The following CPNE4 variants were observed in gnomAD, a reference collection of about 807,000 sequenced individuals.
The protein encoded by CPNE4 is copine-4.
CPNE4 carries 25 observed loss-of-function variants against 67.9 expected under a neutral mutation model. The observed-to-expected ratio is 0.37, with a 90% CI of 0.27 to 0.51. The LOEUF is 0.51. Among genes scored for constraint, CPNE4 ranks in the 20% least tolerant of loss-of-function variants. The pLI is 0.93. For synonymous variants in CPNE4, 242 were observed against 244.9 expected (o/e 0.99, Z 0.11); for missense variants, 464 against 690.8 (o/e 0.67, Z 3.68).
intron 2 of CPNE4, among the ~76,000 whole-genome samples, chr3:131,792,363 AC>A (rs1381007812): frequency 6.6e-6 from 1 of 151,760 alleles, no homozygotes; most frequent in Non-Finnish European, 1.5e-5. Flanking sequence ...ATTTTAATTC[AC>A]CCAAAAAGTG....
At chr3:131,652,476 T>C (rs1175728267) in intron 7 of CPNE4, among the ~76,000 whole-genome samples, 1 of 152,210 alleles carries the variant, frequency 6.6e-6, no homozygotes. Context: ...TATTTCCATT[T>C]TGAATTTTTA....
chr3:131,849,466 T>C (rs1395679574), intron 2 of CPNE4, among the ~76,000 whole-genome samples: 1 of 151,978 alleles, frequency 6.6e-6, no homozygotes, highest in Non-Finnish European at 1.5e-5. Flanking sequence ...TGATGCTACA[T>C]ACTTTCGAAC....
intron 2 of CPNE4, among the ~76,000 whole-genome samples, chr3:131,757,582 A>G (rs1211925144): frequency 6.6e-6 from 1 of 152,226 alleles, no homozygotes; most frequent in Non-Finnish European, 1.5e-5. Context: ...AGTGCAATAG[A>G]AAAGAAAATC....
chr3:131,587,770 A>C (rs1020315589), intron 7 of CPNE4, among the ~76,000 whole-genome samples, 188 bp from the exon 8 acceptor site: 3 of 152,214 alleles, frequency 2.0e-5, no homozygotes, highest in Middle Eastern at 3.2e-3. Flanking sequence ...GACTTTTTGT[A>C]ATCTGCAAAT....
Position 132,017,990 on chromosome 3 carries a change from TG to T in CPNE4, c.-2+16576del, listed in dbSNP as rs57598361. ...CTCCACCCACCCCTAAAGACCCAGATGCTCAACTCAGAGTGTGCCCCCAGAC... is the reference window on the plus strand; with the variant it reads ...CTCCACCCACCCCTAAAGACCCAGATCTCAACTCAGAGTGTGCCCCCAGAC... On this transcript the variant is annotated intron_variant, in intron 1 of 15. Coordinates refer to ENST00000429747, the MANE Select transcript of CPNE4 (RefSeq NM_130808.3). 9.7e-3 allele frequency among the ~76,000 whole-genome samples: 1,483 copies of T among 152,230 alleles called. 22 individuals are homozygous for T. Among genetic ancestry groups the T allele is most frequent in the African/African-American group, 0.034 (1,417 of 41,532 alleles).
chr3:131,732,897 A>C lies in CPNE4; in HGVS notation c.181-9272T>G, dbSNP rs79139737. Among the ~76,000 whole-genome samples, 676 of 152,308 alleles carry C rather than the reference A, an allele frequency of 4.4e-3. 6 individuals are homozygous for C. The highest frequency in any genetic ancestry group is 0.015 in the African/African-American group (644 of 41,574). On this transcript the variant is annotated intron_variant, in intron 2 of 15. Coordinates refer to ENST00000429747, the MANE Select transcript of CPNE4 (RefSeq NM_130808.3). ...TTAAAACTTTGAAAACTTGTAATCC[A>C]TATGTGATTTTTGTGGTAACTTCCT...
intron 2 of CPNE4, among the ~76,000 whole-genome samples, chr3:131,840,544 G>A (rs1426469771): frequency 6.6e-6 from 1 of 152,156 alleles, no homozygotes; most frequent in African/African-American, 2.4e-5. Flanking sequence ...TTGTGTTAGT[G>A]CTGCAGTTGC....
At chr3:131,668,845 C>G (rs2080325712) in intron 7 of CPNE4, among the ~76,000 whole-genome samples, 1 of 152,190 alleles carries the variant, frequency 6.6e-6, no homozygotes, top group African/African-American at 2.4e-5. Flanking sequence ...TTTCTTCCAA[C>G]TTTTACATTC....
intron 7 of CPNE4, among the ~76,000 whole-genome samples, chr3:131,645,495 T>C (rs1375865589): frequency 2.6e-5 from 4 of 152,222 alleles, no homozygotes; most frequent in African/African-American, 4.8e-5. Context: ...CTTTAATTCT[T>C]ACAACTCTAT....
intron 1 of CPNE4, among the ~76,000 whole-genome samples, chr3:131,957,864 G>A (rs932075578): frequency 2.6e-5 from 4 of 152,214 alleles, no homozygotes; most frequent in Non-Finnish European, 4.4e-5. Context: ...AGGCAAAACC[G>A]CAAAGCCAGA....
At chr3:131,888,808 G>A (rs560610579) in intron 2 of CPNE4, among the ~76,000 whole-genome samples, 4 of 136,574 alleles carry the variant, frequency 2.9e-5, no homozygotes, top group African/African-American at 4.9e-5. Context: ...CACTAGGAAA[G>A]TCGAAACAGA....
intron 14 of CPNE4, among the ~76,000 whole-genome samples, chr3:131,547,852 A>G (rs540336105): frequency 6.6e-6 from 1 of 152,282 alleles, no homozygotes; most frequent in East Asian, 1.9e-4. Context: ...TTTGTTTCTT[A>G]TGGATAGCTA....
intron 2 of CPNE4, among the ~76,000 whole-genome samples, chr3:131,831,217 T>A (rs902784746): frequency 1.9e-4 from 29 of 152,252 alleles, no homozygotes; most frequent in African/African-American, 7.0e-4. Context: ...CAGTTGTCTA[T>A]GGCACAGAAT....
intron 2 of CPNE4, among the ~76,000 whole-genome samples, chr3:131,847,964 A>T (rs1315053257): frequency 6.6e-6 from 1 of 152,184 alleles, no homozygotes; most frequent in Non-Finnish European, 1.5e-5. Context: ...CTGTGGCACC[A>T]TAGACTTATC....
chr3:131,679,558 G>A (rs546084282), intron 6 of CPNE4, among the ~76,000 whole-genome samples: 29 of 152,136 alleles, frequency 1.9e-4, no homozygotes, highest in African/African-American at 6.3e-4. Context: ...TTTTGATTGG[G>A]CATTTTAGTG....
At chr3:131,728,853 T>C (rs1413409678) in intron 2 of CPNE4, among the ~76,000 whole-genome samples, 1 of 128,896 alleles carries the variant, frequency 7.8e-6, no homozygotes, top group Non-Finnish European at 1.5e-5. Context: ...GAGCTTGCAG[T>C]GAACAGAGAT....
intron 7 of CPNE4, among the ~76,000 whole-genome samples, chr3:131,618,943 T>C (rs1940314394): frequency 6.6e-6 from 1 of 152,158 alleles, no homozygotes; most frequent in African/African-American, 2.4e-5. Flanking sequence ...GAAGGTTTTA[T>C]GGAAAGCAAT....
intron 7 of CPNE4, among the ~76,000 whole-genome samples, chr3:131,610,321 G>A (rs1939761102): frequency 6.6e-6 from 1 of 152,186 alleles, no homozygotes; most frequent in African/African-American, 2.4e-5. Flanking sequence ...GGAACCCTTT[G>A]CAGGGCCAGT....
At chr3:131,748,596 AATTTCCTT>A (rs2107792785) in intron 2 of CPNE4, among the ~76,000 whole-genome samples, 1 of 152,020 alleles carries the variant, frequency 6.6e-6, no homozygotes, top group East Asian at 1.9e-4. Flanking sequence ...TAACAAATTA[AATTTCCTT>A]AATTGTTATA....
Sources: allele counts gnomAD v4.1 joint callset (sites outside exome capture counted in the v4.1 genomes callset), GRCh38; gene constraint gnomAD v4.1.1; transcripts MANE v1.5; gene names NCBI Gene and HGNC (gene_info 2026-07-23, HGNC 2026-07-21).